HIP1: variants seen among roughly 807,000 people sequenced by gnomAD.
The protein encoded by HIP1 is huntingtin-interacting protein 1.
Under a neutral mutation model 147.6 loss-of-function variants are expected in HIP1, and 65 were observed. The ratio of observed to expected loss-of-function variants is 0.44; its 90% CI spans 0.36 to 0.54. The LOEUF (loss-of-function observed/expected upper bound fraction) is 0.54, where lower values mean the gene tolerates loss of function less well. Among genes scored for constraint, HIP1 ranks in the 20% least tolerant of loss-of-function variants. The probability of loss-of-function intolerance (pLI) is 0.00; values close to 1 mark genes in which losing one functional copy is unlikely to be tolerated. For missense variants in HIP1, 1,061 were observed against 1,299.6 expected, an observed-to-expected ratio of 0.82 and a Z score of 2.82; for synonymous variants, 479 against 504.0, an observed-to-expected ratio of 0.95 and a Z score of 0.67.
intron 1 of HIP1, among the ~76,000 whole-genome samples, chr7:75,604,411 T>C (rs920714688): frequency 9.2e-5 from 14 of 152,256 alleles, no homozygotes; most frequent in Non-Finnish European, 7.4e-5. Flanking sequence ...TGGTGGCTCA[T>C]GCCTGTAATC....
intron 1 of HIP1, among the ~76,000 whole-genome samples, chr7:75,604,708 G>A (rs1224770216): frequency 1.3e-5 from 2 of 151,056 alleles, no homozygotes; most frequent in Non-Finnish European, 3.0e-5. Flanking sequence ...AGGGAGGGAG[G>A]GAGGGAAGAA....
At chr7:75,675,718 C>T (rs1799866419) in intron 1 of HIP1, among the ~76,000 whole-genome samples, 1 of 151,988 alleles carries the variant, frequency 6.6e-6, no homozygotes, top group Non-Finnish European at 1.5e-5. Flanking sequence ...TAGACTCACA[C>T]CTGTAATCCC....
intron 1 of HIP1, among the ~76,000 whole-genome samples, chr7:75,651,373 C>T (rs782227682): frequency 2.1e-5 from 3 of 144,960 alleles, no homozygotes; most frequent in Admixed American, 7.3e-5. Flanking sequence ...GCAGAAGAAT[C>T]GCTTGAACCC....
At chr7:75,546,014 G>A (rs1288270703) in intron 25 of HIP1, among the ~76,000 whole-genome samples, 1 of 152,128 alleles carries the variant, frequency 6.6e-6, no homozygotes, top group African/African-American at 2.4e-5. Flanking sequence ...CCAAGGTCAT[G>A]CAGGAAATAA....
intron 1 of HIP1, chr7:75,639,040 C>T (rs1369365927): frequency 6.4e-5 from 63 of 981,092 alleles, no homozygotes; most frequent in Non-Finnish European, 7.1e-5. Flanking sequence ...AAAGCCCCTG[C>T]TCACACTTAC....
chr7:75,729,304 G>GAA (rs1801755908), intron 1 of HIP1, among the ~76,000 whole-genome samples: 1 of 45,382 alleles, frequency 2.2e-5, no homozygotes, highest in African/African-American at 1.1e-4. Flanking sequence ...TCTTGTCTCT[G>GAA]CAAAAAAAAA....
chr7:75,572,582 CA>C, intron 8 of HIP1, among the ~76,000 whole-genome samples: 1 of 152,320 alleles, frequency 6.6e-6, no homozygotes, highest in South Asian at 2.1e-4. Context: ...GATGGCCTGC[CA>C]CTGCCATCAT....
intron 1 of HIP1, among the ~76,000 whole-genome samples, chr7:75,651,659 C>T (rs529039192): frequency 7.9e-5 from 12 of 151,950 alleles, no homozygotes; most frequent in Admixed American, 2.6e-4. Context: ...GGGCGGCAAC[C>T]CTGGCTGCAA....
At chr7:75,555,625 G>A (rs1355876391) in intron 18 of HIP1, 74 bp from the exon 19 acceptor site, 1 of 1,533,354 alleles carries the variant, frequency 6.5e-7, no homozygotes, top group Non-Finnish European at 9.0e-7. Flanking sequence ...CCTGGCTGGG[G>A]CTCTTAGCAT....
At chr7:75,663,058 A>C (rs2117217836) in intron 1 of HIP1, among the ~76,000 whole-genome samples, 1 of 152,268 alleles carries the variant, frequency 6.6e-6, no homozygotes, top group East Asian at 1.9e-4. Flanking sequence ...CATGCCTGTG[A>C]GTTTCAGATG....
At chr7:75,558,997 C>G (rs147105495) in intron 14 of HIP1, among the ~76,000 whole-genome samples, 1 of 152,088 alleles carries the variant, frequency 6.6e-6, no homozygotes, top group Non-Finnish European at 1.5e-5. Context: ...CCAGCCTGGG[C>G]GACAGAGTGA....
chr7:75,573,684 C>A, intron 8 of HIP1, 77 bp downstream of exon 8: 1 of 1,464,228 alleles, frequency 6.8e-7, no homozygotes, highest in Non-Finnish European at 9.4e-7. Context: ...GACTGCGTTT[C>A]TCTGGGGACA....
chr7:75,591,312 C>T (rs1429307914), intron 4 of HIP1, among the ~76,000 whole-genome samples: 1 of 152,002 alleles, frequency 6.6e-6, no homozygotes, highest in East Asian at 1.9e-4. Context: ...GGATTACAGG[C>T]GTGAGCCACT....
chr7:75,569,297 C>T (rs749025897), intron 8 of HIP1, among the ~76,000 whole-genome samples: 35 of 152,048 alleles, frequency 2.3e-4, no homozygotes, highest in Non-Finnish European at 4.9e-4. Flanking sequence ...ATGTATAAAA[C>T]ATGATTATTG....
chr7:75,738,742 T>C, intron 1 of HIP1, 59 bp downstream of exon 1: 1 of 1,565,580 alleles, frequency 6.4e-7, no homozygotes. Context: ...TCAAAGCCCC[T>C]CCCGGACACC....
intron 1 of HIP1, among the ~76,000 whole-genome samples, chr7:75,729,136 G>A (rs1584984989): frequency 6.8e-6 from 1 of 146,742 alleles, no homozygotes; most frequent in East Asian, 2.0e-4. Flanking sequence ...ATTCTAACAA[G>A]TGAATAAAAA....
intron 1 of HIP1, among the ~76,000 whole-genome samples, chr7:75,695,994 T>C (rs1401391812): frequency 5.3e-5 from 8 of 151,928 alleles, no homozygotes; most frequent in Admixed American, 5.3e-4. Flanking sequence ...GCATCTCTTT[T>C]CTTTTCTTTT....
chr7:75,690,633 T>C (rs1226606849), intron 1 of HIP1, among the ~76,000 whole-genome samples: 3 of 151,244 alleles, frequency 2.0e-5, no homozygotes, highest in East Asian at 3.9e-4. Flanking sequence ...GAGTCTGAGA[T>C]GGGTGGATCA....
At chr7:75,539,290 G>T (rs1554489380) in intron 30 of HIP1, 33 bp downstream of exon 30, 4 of 1,499,528 alleles carry the variant, frequency 2.7e-6, no homozygotes, top group Middle Eastern at 1.7e-4. Flanking sequence ...CCTCCCTGCT[G>T]CGGGTTAGTG....
Sources: allele counts gnomAD v4.1 joint callset (sites outside exome capture counted in the v4.1 genomes callset), GRCh38; gene constraint gnomAD v4.1.1; transcripts MANE v1.5; gene names NCBI Gene and HGNC (gene_info 2026-07-23, HGNC 2026-07-21).